The following PUDP variants were observed in gnomAD, a reference collection of about 807,000 sequenced individuals.
The protein encoded by PUDP is pseudouridine 5'-phosphatase.
Under a neutral mutation model 9.4 loss-of-function variants are expected in PUDP, and 8 were observed. That is an observed-to-expected ratio of 0.85 (90% confidence interval 0.50 to 1.53). PUDP has a LOEUF of 1.53. PUDP is among the 40% of genes most tolerant of loss of function. The pLI is 0.00. For missense variants in PUDP, 188 were observed against 189.7 expected (o/e 0.99, Z 0.05); for synonymous variants, 99 against 80.7 (o/e 1.23, Z -1.22).
chrX:6,834,275 G>A (rs1489174143), intron 3 of PUDP, among the ~76,000 whole-genome samples: 2 of 111,645 alleles, frequency 1.8e-5, no homozygotes, highest in African/African-American at 6.5e-5. Flanking sequence ...AATGTCTCAA[G>A]CATTACCTTA....
chrX:7,022,707 T>A (rs1312599027), intron 1 of PUDP, among the ~76,000 whole-genome samples: 1 of 112,061 alleles, frequency 8.9e-6, no homozygotes, highest in Admixed American at 9.5e-5. Flanking sequence ...TGAGGGTATT[T>A]AGAGCATGCT....
chrX:6,847,384 A>G (rs376538606), intron 3 of PUDP, among the ~76,000 whole-genome samples: 1 of 112,178 alleles, frequency 8.9e-6, no homozygotes, highest in African/African-American at 3.2e-5. Flanking sequence ...TTTTAGAATT[A>G]CCATAAAATC....
At chrX:6,942,165 G>A (rs1028863026) in intron 3 of PUDP, among the ~76,000 whole-genome samples, 3 of 111,407 alleles carry the variant, frequency 2.7e-5, no homozygotes, top group Admixed American at 9.6e-5. Context: ...CACAATATAC[G>A]CATGTAAGAA....
chrX:6,891,403 C>T (rs1182452804), intron 3 of PUDP, among the ~76,000 whole-genome samples: 1 of 112,126 alleles, frequency 8.9e-6, no homozygotes, highest in Non-Finnish European at 1.9e-5. Flanking sequence ...TGCAAGCTAA[C>T]ATGTGGTTTC....
At chrX:7,006,127 G>A (rs1318422517) in intron 1 of PUDP, among the ~76,000 whole-genome samples, 1 of 112,043 alleles carries the variant, frequency 8.9e-6, no homozygotes, top group East Asian at 2.8e-4. Context: ...TGTAAATAGT[G>A]CTGCCATAAA....
chrX:7,024,467 T>C (rs1929677944), intron 1 of PUDP, among the ~76,000 whole-genome samples: 1 of 111,426 alleles, frequency 9.0e-6, no homozygotes, highest in East Asian at 2.8e-4. Flanking sequence ...GTTTTTGTTT[T>C]TTCGTCTTTT....
At chrX:7,041,869 T>C (rs1473615025) in intron 1 of PUDP, among the ~76,000 whole-genome samples, 3 of 13,432 alleles carry the variant, frequency 2.2e-4, no homozygotes, top group African/African-American at 1.9e-3. Context: ...CTCTCTCTCT[T>C]TTTTTTTTTT....
intron 2 of PUDP, among the ~76,000 whole-genome samples, chrX:7,100,148 G>A (rs1931691024): frequency 1.5e-5 from 1 of 67,951 alleles, no homozygotes; most frequent in Admixed American, 1.7e-4. Context: ...CTCGGTGATT[G>A]GCCAAGACAG....
intron 3 of PUDP, among the ~76,000 whole-genome samples, chrX:6,770,173 C>A (rs1471062459): frequency 1.8e-5 from 2 of 112,858 alleles, no homozygotes; most frequent in Non-Finnish European, 3.7e-5. Flanking sequence ...ATCATACAAT[C>A]TTCTTGGAGC....
chrX:6,752,420 G>A (rs1438553816), intron 3 of PUDP, among the ~76,000 whole-genome samples: 1 of 111,798 alleles, frequency 8.9e-6, no homozygotes, highest in Non-Finnish European at 1.9e-5. Context: ...GCCATGAAAA[G>A]CCACTGAAAT....
At chrX:6,804,386 G>A (rs960792836) in intron 3 of PUDP, among the ~76,000 whole-genome samples, 13 of 111,668 alleles carry the variant, frequency 1.2e-4, no homozygotes, top group African/African-American at 4.2e-4. Flanking sequence ...TGAGGTCTTT[G>A]AAAATTACTT....
intron 3 of PUDP, among the ~76,000 whole-genome samples, chrX:6,787,434 G>C (rs1020427174): frequency 8.9e-6 from 1 of 112,148 alleles, no homozygotes; most frequent in Non-Finnish European, 1.9e-5. Context: ...CCAGCGAAGA[G>C]GGTCGTTGCT....
At chrX:6,889,890 A>G (rs1217683978) in intron 3 of PUDP, among the ~76,000 whole-genome samples, 4 of 111,405 alleles carry the variant, frequency 3.6e-5, no homozygotes, top group African/African-American at 1.3e-4. Context: ...GTGAGGAAAC[A>G]GGTAGAACTG....
At chrX:7,019,815 C>T (rs1388935735) in intron 1 of PUDP, among the ~76,000 whole-genome samples, 6 of 111,609 alleles carry the variant, frequency 5.4e-5, no homozygotes, top group African/African-American at 2.0e-4. Flanking sequence ...TGATTTTTCT[C>T]CAACTAATTT....
chrX:6,718,735 G>A (rs750744828), intron 1 of PUDP, among the ~76,000 whole-genome samples: 2 of 111,774 alleles, frequency 1.8e-5, no homozygotes, highest in East Asian at 5.6e-4. Flanking sequence ...CTTGTACCCT[G>A]TAAACCTATA....
chrX:6,887,559 T>C (rs942839932), intron 3 of PUDP, among the ~76,000 whole-genome samples: 1 of 110,346 alleles, frequency 9.1e-6, no homozygotes, highest in Non-Finnish European at 1.9e-5. Flanking sequence ...TGAGCTTTTT[T>C]TCACATTCCA....
rs774197569 is a variant in PUDP at position 6,743,121 on chromosome X, T to C, written c.*248-36655A>G. Among the ~76,000 whole-genome samples the C allele has an allele frequency of 1.6e-4, 18 of 111,708 alleles. No individual in the cohort carries two copies. The South Asian group carries it at 6.3e-3, about 39-fold the overall frequency. ...CTGTACATCATGCTGCAACTTCTTG[T>C]AAATCTGTATTTGTTTTAAAATAGG... On this transcript the variant is annotated intron_variant and NMD_transcript_variant, in intron 3 of 3. Transcript: ENST00000655425.
intron 3 of PUDP, among the ~76,000 whole-genome samples, chrX:6,734,069 C>T (rs766146323): frequency 2.7e-5 from 3 of 111,228 alleles, no homozygotes; most frequent in South Asian, 3.8e-4. Flanking sequence ...TGAGCCACCA[C>T]GCCTGGCCAA....
Position 6,821,412 on chromosome X carries a change from G to A in PUDP, c.*248-114946C>T, listed in dbSNP as rs140733382. ...CAAGAATAGAGACTGCTTGGAAAGCGTGTGAGTTTTGGGGCTCAGGGTGGC... is the reference window on the plus strand; with the variant it reads ...CAAGAATAGAGACTGCTTGGAAAGCATGTGAGTTTTGGGGCTCAGGGTGGC... On this transcript the variant is annotated intron_variant and NMD_transcript_variant, in intron 3 of 3. Coordinates refer to the PUDP transcript ENST00000655425. 8.1e-5 allele frequency among the ~76,000 whole-genome samples: 9 copies of A among 111,159 alleles called. No individual in the cohort carries two copies. In the East Asian group the frequency reaches 2.3e-3, roughly 28 times the overall value.
Sources: allele counts gnomAD v4.1 joint callset (sites outside exome capture counted in the v4.1 genomes callset), GRCh38; gene constraint gnomAD v4.1.1; transcripts MANE v1.5; gene names NCBI Gene and HGNC (gene_info 2026-07-23, HGNC 2026-07-21).